The following BTRC variants were observed in gnomAD, a reference collection of about 807,000 sequenced individuals.
BTRC encodes F-box/WD repeat-containing protein 1A.
In BTRC, 42 loss-of-function variants were observed where a neutral mutation model predicts 85.5. The ratio of observed to expected loss-of-function variants is 0.49; its 90% confidence interval spans 0.38 to 0.64. The LOEUF (loss-of-function observed/expected upper bound fraction) is 0.64. BTRC is among the 30% of genes least tolerant of loss of function. The pLI, the probability that BTRC is intolerant of heterozygous loss-of-function variation, is 0.00. For synonymous variants in BTRC, 255 were observed against 263.3 expected (o/e 0.97, Z 0.30); for missense variants, 594 against 743.5 (o/e 0.80, Z 2.34).
At chr10:101,522,178 C>T (rs1315394244) in intron 5 of BTRC, among the ~76,000 whole-genome samples, 1 of 148,628 alleles carries the variant, frequency 6.7e-6, no homozygotes. Flanking sequence ...GTAGCTGGGA[C>T]TACAGGCGCC....
In BTRC at chr10:101,433,138, G is replaced by A. The variant is rs372691225; in HGVS notation, c.156+2686G>A. Among the ~76,000 whole-genome samples, 4 of 152,150 alleles carry A rather than the reference G, an allele frequency of 2.6e-5. No homozygotes were observed. In the East Asian group the frequency reaches 5.8e-4, roughly 22 times the overall value. ...AGAGGAAAGGCCATTCCTTTCTTTG[G>A]TGAAGAGTAATTCTTCACTACACAG... On this transcript the variant is annotated intron_variant, in intron 2 of 14. Coordinates refer to ENST00000370187, the MANE Select transcript of BTRC (RefSeq NM_033637.4).
chr10:101,543,226 T>A (rs1017341299), intron 13 of BTRC, among the ~76,000 whole-genome samples: 1 of 152,208 alleles, frequency 6.6e-6, no homozygotes, highest in African/African-American at 2.4e-5. Context: ...GTGCTTAGGA[T>A]TTTTGTCTTA....
At position 101,534,650 on chromosome 10, in the gene BTRC, A is replaced by G. The variant is rs757187755; in HGVS notation, c.1098-11A>G. 1.4e-5 allele frequency: 23 copies of G among 1,613,906 alleles called. No homozygotes were observed. The highest frequency in any genetic ancestry group is 1.6e-4 in the Middle Eastern group (1 of 6,084). On this transcript the variant is annotated splice_polypyrimidine_tract_variant and intron_variant, in intron 9 of 14. Coordinates refer to ENST00000370187, the MANE Select transcript of BTRC (RefSeq NM_033637.4). ...CTTGAGTACCATCTAAATCTCATCT[A>G]TCACTTCCAGAGTGTGGGATGTAAA...
chr10:101,550,497 T>C (rs1175617021), intron 13 of BTRC, among the ~76,000 whole-genome samples: 1 of 152,116 alleles, frequency 6.6e-6, no homozygotes, highest in Non-Finnish European at 1.5e-5. Context: ...TTAGCCAGGA[T>C]GGTCTCGATC....
chr10:101,401,764 G>T (rs1478179280), intron 1 of BTRC, among the ~76,000 whole-genome samples: 1 of 151,340 alleles, frequency 6.6e-6, no homozygotes. Context: ...CTTGAGGCCA[G>T]GAGTTTGAGG....
At chr10:101,443,021 A>G (rs1210841041) in intron 2 of BTRC, among the ~76,000 whole-genome samples, 1 of 150,876 alleles carries the variant, frequency 6.6e-6, no homozygotes, top group African/African-American at 2.4e-5. Context: ...AGCTGGGACT[A>G]CAGGCACCCG....
At chr10:101,532,846 C>T in intron 8 of BTRC, 106 bp from the exon 9 acceptor site, 2 of 933,842 alleles carry the variant, frequency 2.1e-6, no homozygotes. Flanking sequence ...TTCCACACTA[C>T]TCTGGGCTTT....
At chr10:101,499,914 T>C (rs1377294923) in intron 4 of BTRC, among the ~76,000 whole-genome samples, 1 of 152,004 alleles carries the variant, frequency 6.6e-6, no homozygotes, top group African/African-American at 2.4e-5. Context: ...GGGCACTTGA[T>C]GGACTTTCGA....
intron 2 of BTRC, among the ~76,000 whole-genome samples, chr10:101,442,417 C>A (rs1191637578): frequency 6.6e-6 from 1 of 151,848 alleles, no homozygotes; most frequent in Non-Finnish European, 1.5e-5. Context: ...GGAACTACTA[C>A]GTGGTCTCCA....
chr10:101,505,163 A>ATATG (rs1476537852), intron 4 of BTRC, among the ~76,000 whole-genome samples: 3 of 138,096 alleles, frequency 2.2e-5, no homozygotes, highest in Admixed American at 1.5e-4. Context: ...ATATGTATAT[A>ATATG]TATATATATA....
At chr10:101,418,998 TTTTC>T (rs1302444268) in intron 1 of BTRC, among the ~76,000 whole-genome samples, 82 of 151,786 alleles carry the variant, frequency 5.4e-4, no homozygotes, top group East Asian at 5.8e-4. Flanking sequence ...TCACAGTTTC[TTTTC>T]TTTCTTTCTT....
chr10:101,463,360 A>G (rs2134175103), intron 3 of BTRC, among the ~76,000 whole-genome samples: 1 of 151,900 alleles, frequency 6.6e-6, no homozygotes, highest in East Asian at 1.9e-4. Context: ...TTGTATTTTT[A>G]GTAGAGACAG....
intron 1 of BTRC, among the ~76,000 whole-genome samples, chr10:101,383,159 G>A (rs1942981077): frequency 6.7e-6 from 1 of 149,536 alleles, no homozygotes; most frequent in Non-Finnish European, 1.5e-5. Context: ...GACCTCCCAG[G>A]CTCAAGTGAT....
At chr10:101,442,296 A>ATGTGTATGTGTG (rs1944707103) in intron 2 of BTRC, among the ~76,000 whole-genome samples, 1 of 141,984 alleles carries the variant, frequency 7.0e-6, no homozygotes, top group Non-Finnish European at 1.5e-5. Context: ...CTCTGTGTGT[A>ATGTGTATGTGTG]TGTGTGTGTG....
intron 1 of BTRC, among the ~76,000 whole-genome samples, chr10:101,379,571 TA>T (rs1942877897): frequency 6.6e-6 from 1 of 152,190 alleles, no homozygotes. Flanking sequence ...ATATACTACA[TA>T]TTTTTTTTTC....
intron 4 of BTRC, among the ~76,000 whole-genome samples, chr10:101,514,800 A>C (rs2062001334): frequency 6.6e-6 from 1 of 151,838 alleles, no homozygotes; most frequent in Admixed American, 6.6e-5. Context: ...AGTTGGCTGT[A>C]TGTATTTCTG....
intron 1 of BTRC, among the ~76,000 whole-genome samples, chr10:101,379,577 T>G (rs199858211): frequency 1.3e-5 from 2 of 152,158 alleles, no homozygotes; most frequent in East Asian, 3.8e-4. Context: ...TACATATTTT[T>G]TTTTCCTAAG....
Position 101,456,434 on chromosome 10 carries a change from A to G in BTRC, c.157-5547A>G, listed in dbSNP as rs566410523. Among the ~76,000 whole-genome samples the G allele has an allele frequency of 2.2e-4, 34 of 152,368 alleles. 2 individuals are homozygous for G. In the South Asian group the frequency reaches 7.0e-3, roughly 32 times the overall value. ...AAGGAATGAGTAAAAACTGACTCTG[A>G]GGATTTAAGTCTAGGATAAAAAGAA... On this transcript the variant is annotated intron_variant, in intron 2 of 14. Coordinates refer to ENST00000370187, the MANE Select transcript of BTRC (RefSeq NM_033637.4).
intron 2 of BTRC, among the ~76,000 whole-genome samples, chr10:101,444,302 C>T (rs1410333928): frequency 6.6e-6 from 1 of 152,114 alleles, no homozygotes; most frequent in Non-Finnish European, 1.5e-5. Context: ...GATTTTCAAT[C>T]CTTGTTGTCT....
Sources: gnomAD v4.1 joint callset for allele counts (sites outside exome capture counted in the v4.1 genomes callset) on GRCh38, gnomAD v4.1.1 for gene constraint, MANE v1.5 for transcripts, NCBI Gene and HGNC (gene_info 2026-07-23, HGNC 2026-07-21) for gene names.